Variants in CACNA1D observed in about 807,000 individuals in gnomAD.
CACNA1D encodes voltage-dependent L-type calcium channel subunit alpha-1D.
Under a neutral mutation model 257.1 loss-of-function variants are expected in CACNA1D, and 55 were observed. The ratio of observed to expected loss-of-function variants is 0.21; its 90% CI spans 0.17 to 0.27. CACNA1D has a LOEUF of 0.27. Ranked by LOEUF, CACNA1D falls within the 10% of genes least tolerant of loss-of-function variation. CACNA1D has a pLI of 1.00. For missense variants in CACNA1D, 1,876 were observed against 2,784.0 expected (o/e 0.67, Z 7.34); for synonymous variants, 980 against 1,014.9 (o/e 0.97, Z 0.65).
At chr3:53,763,950 T>C (rs1006961477) in intron 30 of CACNA1D, among the ~76,000 whole-genome samples, 1 of 152,216 alleles carries the variant, frequency 6.6e-6, no homozygotes, top group African/African-American at 2.4e-5. Context: ...CCCAAAGTTT[T>C]AGGGAGATAC....
chr3:53,702,362 C>T (rs920235459), intron 8 of CACNA1D, among the ~76,000 whole-genome samples: 2 of 152,096 alleles, frequency 1.3e-5, no homozygotes, highest in African/African-American at 4.8e-5. Flanking sequence ...GTGTTTTGGG[C>T]CTAGGCCCCT....
At chr3:53,534,493 C>T (rs903540249) in intron 3 of CACNA1D, among the ~76,000 whole-genome samples, 13 of 152,174 alleles carry the variant, frequency 8.5e-5, no homozygotes, top group Non-Finnish European at 1.6e-4. Flanking sequence ...CCTGGGAGGG[C>T]GGCTAGGGTG....
chr3:53,619,990 A>T (rs2093678279), intron 3 of CACNA1D, among the ~76,000 whole-genome samples: 1 of 152,240 alleles, frequency 6.6e-6, no homozygotes, highest in Admixed American at 6.5e-5. Context: ...GTTAACAAGG[A>T]TAATCAAGTT....
intron 4 of CACNA1D, among the ~76,000 whole-genome samples, chr3:53,654,899 G>T (rs1045767758): frequency 6.6e-6 from 1 of 151,994 alleles, no homozygotes; most frequent in Non-Finnish European, 1.5e-5. Flanking sequence ...CAAGGAAGAA[G>T]AAAAAAGGAA....
chr3:53,534,541 C>A lies in CACNA1D; in HGVS notation c.483+32821C>A, dbSNP rs548639197. On this transcript the variant is annotated intron_variant, in intron 3 of 47. Transcript: ENST00000350061. ...TCTGGAACCTCTCCATTCTGTGTGC[C>A]CCTCAACCTCATGGACATACTGGCG... Among the ~76,000 whole-genome samples, 3 of 152,226 alleles carry A rather than the reference C, an allele frequency of 2.0e-5. No individual in the cohort carries two copies. The East Asian group carries it at 5.8e-4, about 29-fold the overall frequency.
intron 3 of CACNA1D, among the ~76,000 whole-genome samples, chr3:53,598,993 G>A (rs898406): frequency 1 from 151,935 of 151,954 alleles, 75,958 homozygotes; most frequent in Middle Eastern, 1. Context: ...GGTGGAACAA[G>A]TTTGTATGTT....
At chr3:53,782,269 T>TATATATAC (rs1407272402) in intron 39 of CACNA1D, 5 of 135,834 alleles carry the variant, frequency 3.7e-5, no homozygotes, top group Non-Finnish European at 7.8e-5. Context: ...TGTGTGTATA[T>TATATATAC]ATATATATAT....
At chr3:53,719,867 G>T (rs1372234440) in intron 11 of CACNA1D, 86 bp downstream of exon 11, 13 of 1,222,862 alleles carry the variant, frequency 1.1e-5, no homozygotes, top group Non-Finnish European at 1.5e-5. Flanking sequence ...TATTGCTCTG[G>T]ACTTGAGTTT....
chr3:53,711,512 A>T (rs1164427860), intron 9 of CACNA1D, among the ~76,000 whole-genome samples: 1 of 152,198 alleles, frequency 6.6e-6, no homozygotes, highest in Non-Finnish European at 1.5e-5. Context: ...TTGCCTATGC[A>T]CACCAGCACA....
At chr3:53,513,301 C>T (rs1413350351) in intron 3 of CACNA1D, among the ~76,000 whole-genome samples, 2 of 152,308 alleles carry the variant, frequency 1.3e-5, no homozygotes, top group Non-Finnish European at 2.9e-5. Flanking sequence ...CTAGTGACAT[C>T]GTAGTCATTG....
intron 12 of CACNA1D, 39 bp downstream of exon 12, chr3:53,722,513 A>G (rs1230345275): frequency 6.2e-7 from 1 of 1,604,532 alleles, no homozygotes; most frequent in African/African-American, 1.3e-5. Context: ...TCTGAACTAG[A>G]GATTTCTGTG....
At chr3:53,756,098 TA>T (rs2095263229) in intron 29 of CACNA1D, among the ~76,000 whole-genome samples, 1 of 152,122 alleles carries the variant, frequency 6.6e-6, no homozygotes, top group Admixed American at 6.5e-5. Flanking sequence ...GTATCTCTGT[TA>T]GGGGACACAG....
chr3:53,538,889 A>G (rs1251842556), intron 3 of CACNA1D, among the ~76,000 whole-genome samples: 1 of 152,172 alleles, frequency 6.6e-6, no homozygotes, highest in Non-Finnish European at 1.5e-5. Flanking sequence ...TACAACACCA[A>G]TGTAGCCTCA....
intron 19 of CACNA1D, 117 bp downstream of exon 19, chr3:53,733,079 A>G: frequency 1.0e-6 from 1 of 1,000,876 alleles, no homozygotes; most frequent in Non-Finnish European, 1.5e-6. Flanking sequence ...TCTGAACCTG[A>G]GTGTCCCTGG....
intron 3 of CACNA1D, among the ~76,000 whole-genome samples, chr3:53,561,989 T>C (rs528258867): frequency 6.6e-6 from 1 of 152,372 alleles, no homozygotes; most frequent in East Asian, 1.9e-4. Context: ...AGCAGAGGAA[T>C]GAAGACACAT....
chr3:53,688,248 C>T (rs573557210), intron 8 of CACNA1D, among the ~76,000 whole-genome samples: 106 of 152,268 alleles, frequency 7.0e-4, no homozygotes, highest in Admixed American at 4.0e-3. Flanking sequence ...GATCTGGCTG[C>T]GAGCTGTGCC....
At chr3:53,579,665 T>C (rs1207218184) in intron 3 of CACNA1D, among the ~76,000 whole-genome samples, 1 of 152,206 alleles carries the variant, frequency 6.6e-6, no homozygotes, top group Admixed American at 6.5e-5. Context: ...TCAAGGTTGC[T>C]CTGAACTGAA....
intron 3 of CACNA1D, among the ~76,000 whole-genome samples, chr3:53,584,714 T>C (rs181470874): frequency 6.6e-6 from 1 of 152,366 alleles, no homozygotes; most frequent in African/African-American, 2.4e-5. Context: ...TTCAGTGTTC[T>C]TGGAAGTTGA....
intron 3 of CACNA1D, among the ~76,000 whole-genome samples, chr3:53,558,219 G>A (rs1023050125): frequency 4.6e-5 from 7 of 152,178 alleles, no homozygotes; most frequent in African/African-American, 1.7e-4. Flanking sequence ...ATGTTGGTAT[G>A]TAGTTTTCTT....
Sources: gnomAD v4.1 joint callset for allele counts (sites outside exome capture counted in the v4.1 genomes callset) on GRCh38, gnomAD v4.1.1 for gene constraint, MANE v1.5 for transcripts, NCBI Gene and HGNC (gene_info 2026-07-23, HGNC 2026-07-21) for gene names.